FSD1L: variants seen among roughly 807,000 people sequenced by gnomAD.
FSD1L encodes fibronectin type III and SPRY domain containing 1 like.
A neutral mutation model predicts 71.6 loss-of-function variants in FSD1L; 45 were observed. That is an observed-to-expected ratio of 0.63 (90% CI 0.49 to 0.81). The LOEUF (loss-of-function observed/expected upper bound fraction) is 0.81, where lower values mean the gene tolerates loss of function less well. Ranked by LOEUF, FSD1L falls within the 30% of genes least tolerant of loss-of-function variation. FSD1L has a pLI of 0.00. For synonymous variants in FSD1L, 197 were observed against 207.2 expected (o/e 0.95, Z 0.42); for missense variants, 561 against 618.1 (o/e 0.91, Z 0.98).
chr9:105,521,052 C>G, intron 10 of FSD1L: 3 of 1,613,146 alleles, frequency 1.9e-6, no homozygotes, highest in Non-Finnish European at 2.5e-6. Flanking sequence ...TCATCCTATA[C>G]TTGACATCCC....
chr9:105,469,379 T>TC (rs1554700998), intron 4 of FSD1L, among the ~76,000 whole-genome samples: 1 of 16,420 alleles, frequency 6.1e-5, no homozygotes, highest in Non-Finnish European at 1.1e-4. Flanking sequence ...CTATTTTACA[T>TC]CCTACCAGCC....
chr9:105,503,046 A>C (rs1270093291), intron 7 of FSD1L, among the ~76,000 whole-genome samples: 1 of 151,160 alleles, frequency 6.6e-6, no homozygotes, highest in African/African-American at 2.4e-5. Flanking sequence ...TACCCAACTA[A>C]ATTTTTCTGA....
chr9:105,482,356 A>T (rs1444771762), intron 6 of FSD1L, among the ~76,000 whole-genome samples: 1 of 152,160 alleles, frequency 6.6e-6, no homozygotes, highest in Non-Finnish European at 1.5e-5. Context: ...TGCAGGAGTT[A>T]TTGGTTCTTG....
intron 10 of FSD1L, among the ~76,000 whole-genome samples, chr9:105,518,680 A>G (rs991204585): frequency 1.1e-4 from 17 of 152,252 alleles, no homozygotes; most frequent in Admixed American, 3.3e-4. Context: ...AGGGAAATTT[A>G]TAGCACTAAA....
intron 10 of FSD1L, chr9:105,523,485 A>G (rs1589074768): frequency 3.1e-6 from 5 of 1,613,154 alleles, no homozygotes; most frequent in South Asian, 2.2e-5. Flanking sequence ...TGTAAATTCA[A>G]TCATGGATCC....
intron 5 of FSD1L, among the ~76,000 whole-genome samples, chr9:105,474,551 C>T (rs1313156561): frequency 6.6e-6 from 1 of 152,198 alleles, no homozygotes; most frequent in African/African-American, 2.4e-5. Context: ...CCTCAAACAC[C>T]TACTTGCTGA....
At chr9:105,461,956 C>CAA (rs112746151) in intron 2 of FSD1L, among the ~76,000 whole-genome samples, 1 of 118,650 alleles carries the variant, frequency 8.4e-6, no homozygotes, top group African/African-American at 3.2e-5. Context: ...GACAGAGCCT[C>CAA]AAAAAAAAAA....
chr9:105,520,589 A>T, intron 10 of FSD1L: 1 of 1,470,270 alleles, frequency 6.8e-7, no homozygotes, highest in Non-Finnish European at 9.5e-7. Flanking sequence ...GGATTGATTT[A>T]AAGAAGCTAC....
chr9:105,528,560 T>G (rs997877513), intron 10 of FSD1L, among the ~76,000 whole-genome samples: 3 of 152,186 alleles, frequency 2.0e-5, no homozygotes, highest in Admixed American at 2.0e-4. Flanking sequence ...TAAATGGTGT[T>G]GGGAGAACTG....
At chr9:105,540,437 T>G (rs867388690) in intron 13 of FSD1L, among the ~76,000 whole-genome samples, 1 of 152,252 alleles carries the variant, frequency 6.6e-6, no homozygotes, top group Middle Eastern at 3.4e-3. Flanking sequence ...GTTTATCAAT[T>G]TTTTCATTTA....
At chr9:105,447,271 C>T (rs1376700446), upstream of FSD1L, among the ~76,000 whole-genome samples, 1 of 136,760 alleles carries the variant, frequency 7.3e-6, no homozygotes, top group Non-Finnish European at 1.5e-5. Flanking sequence ...TTGCAGTGAG[C>T]CAAGATGGCA....
In FSD1L at chr9:105,513,120, ACT is replaced by A. The variant is rs1491333382; in HGVS notation, c.1025+185_1025+186del. Among the ~76,000 whole-genome samples, 47 of 152,134 alleles carry A rather than the reference ACT, an allele frequency of 3.1e-4. 1 individual carries two copies. Among genetic ancestry groups the A allele is most frequent in the African/African-American group, 1.1e-3 (46 of 41,494 alleles). On this transcript the variant is annotated intron_variant, in intron 10 of 13. Transcript: ENST00000481272. ...TAATAGGTCATTAACATTTTTTATTACTTTTTTTTAGTTTCATCCCTAATCCT... is the reference window on the plus strand; with the variant it reads ...TAATAGGTCATTAACATTTTTTATTATTTTTTTAGTTTCATCCCTAATCCT...
chr9:105,546,512 T>G lies in FSD1L; in HGVS notation c.*29T>G. The G allele has an allele frequency of 6.7e-7, 1 of 1,501,828 alleles. No individual in the cohort carries two copies. The highest frequency in any genetic ancestry group is 1.4e-5 in the African/African-American group (1 of 71,062). The allele number at this position is 1,501,828 out of a possible 1,614,324, so 93.0% of individuals were successfully genotyped here. On this transcript the variant is annotated 3_prime_UTR_variant, in exon 14 of 14. Transcript: ENST00000481272. ...CTACTCAGAATACGTTTACCCTCCG[T>G]CTTGATTAGGTGGCCTTTTCTGTGC...
At chr9:105,457,096 G>T (rs773731061) in intron 1 of FSD1L, among the ~76,000 whole-genome samples, 1 of 152,270 alleles carries the variant, frequency 6.6e-6, no homozygotes, top group South Asian at 2.1e-4. Flanking sequence ...AAAATGAAAT[G>T]ACTATATGTA....
Position 105,495,168 on chromosome 9 carries a change from C to A in FSD1L, c.586+10666C>A, listed in dbSNP as rs541720545. 8.3e-3 allele frequency among the ~76,000 whole-genome samples: 1,266 copies of A among 152,298 alleles called. 20 individuals carry two copies. Among genetic ancestry groups the A allele is most frequent in the African/African-American group, 0.029 (1,209 of 41,572 alleles). Reference sequence around the variant, plus strand: ...TGGGCTCCACCCAGTTTGAGCTTCCCGGCTGCTTTGTTGACCTAAGCAAGC... The same window carrying A: ...TGGGCTCCACCCAGTTTGAGCTTCCAGGCTGCTTTGTTGACCTAAGCAAGC... On this transcript the variant is annotated intron_variant, in intron 7 of 13. Transcript: ENST00000481272.
At chr9:105,454,604 A>G (rs1446606263) in intron 1 of FSD1L, among the ~76,000 whole-genome samples, 1 of 152,084 alleles carries the variant, frequency 6.6e-6, no homozygotes, top group African/African-American at 2.4e-5. Flanking sequence ...AAATGGTAGG[A>G]CCTCTGGTTT....
At chr9:105,541,244 C>A (rs1248723754) in intron 13 of FSD1L, among the ~76,000 whole-genome samples, 1 of 150,524 alleles carries the variant, frequency 6.6e-6, no homozygotes, top group Non-Finnish European at 1.5e-5. Context: ...AGTTATTGCT[C>A]ATGGAAACAT....
intron 2 of FSD1L, among the ~76,000 whole-genome samples, chr9:105,461,970 A>AT (rs1000802596): frequency 4.0e-5 from 6 of 150,476 alleles, no homozygotes; most frequent in Non-Finnish European, 7.4e-5. Flanking sequence ...AAAAAAAAAA[A>AT]GGCTTCTCAT....
intron 7 of FSD1L, chr9:105,500,517 T>A (rs1019922120): frequency 5.9e-5 from 9 of 152,238 alleles, no homozygotes; most frequent in African/African-American, 1.9e-4. Flanking sequence ...TAGTCTCTGT[T>A]AAAACCCCAA....
Sources: allele counts gnomAD v4.1 joint callset (sites outside exome capture counted in the v4.1 genomes callset), GRCh38; gene constraint gnomAD v4.1.1; transcripts MANE v1.5; gene names NCBI Gene and HGNC (gene_info 2026-07-23, HGNC 2026-07-21).